ZFHX3: variants seen among roughly 807,000 people sequenced by gnomAD.
ZFHX3 encodes zinc finger homeobox 3.
A neutral mutation model predicts 279.1 loss-of-function variants in ZFHX3; 42 were observed. That is an observed-to-expected ratio of 0.15 (90% CI 0.12 to 0.19). The LOEUF is 0.19. Among genes scored for constraint, ZFHX3 ranks in the 10% least tolerant of loss-of-function variants. The pLI, the probability that ZFHX3 is intolerant of heterozygous loss-of-function variation, is 1.00. For missense variants in ZFHX3, 4,981 were observed against 4,754.0 expected, an observed-to-expected ratio of 1.05 and a Z score of -1.40; for synonymous variants, 2,293 against 1,957.8, an observed-to-expected ratio of 1.17 and a Z score of -4.52.
chr16:73,629,375 G>A (rs1431724424), intron 2 of ZFHX3, among the ~76,000 whole-genome samples: 7 of 150,876 alleles, frequency 4.6e-5, no homozygotes, highest in Non-Finnish European at 1.0e-4. Context: ...TCCTTCTTAG[G>A]GAAAAAAAAA....
At chr16:73,131,132 G>T in intron 6 of ZFHX3, 1 of 500,416 alleles carries the variant, frequency 2.0e-6, no homozygotes, top group Non-Finnish European at 3.8e-6. Flanking sequence ...TGTTTTCTAG[G>T]GTTGACATGA....
intron 4 of ZFHX3, among the ~76,000 whole-genome samples, chr16:73,293,034 A>C (rs1330466104): frequency 6.6e-6 from 1 of 152,182 alleles, no homozygotes; most frequent in Non-Finnish European, 1.5e-5. Context: ...AACTGCCTTG[A>C]AACAAAAGGG....
rs13380734 is a variant in ZFHX3 at position 73,859,267 on chromosome 16, A to G, written c.-1608+32384T>C. Among the ~76,000 whole-genome samples the G allele has an allele frequency of 5.0e-3, 758 of 152,334 alleles. 7 individuals carry two copies. The highest frequency in any genetic ancestry group is 0.018 in the African/African-American group (735 of 41,576). On this transcript the variant is annotated intron_variant, in intron 1 of 17. Coordinates refer to the ZFHX3 transcript ENST00000641206. The stretch of plus-strand genomic sequence containing the variant: ...TAACCAGGCACAATGGTAAAAGAAC[A>G]TCGCTAAATTTAAATCTTGTTATGT...
chr16:73,109,557 AT>A (rs987838701), intron 7 of ZFHX3, among the ~76,000 whole-genome samples: 3 of 144,710 alleles, frequency 2.1e-5, no homozygotes, highest in African/African-American at 7.4e-5. Context: ...AGCATTCCGT[AT>A]TTTTTTTGTT....
At chr16:73,882,345 C>CA (rs1235713580) in intron 1 of ZFHX3, among the ~76,000 whole-genome samples, 1 of 151,760 alleles carries the variant, frequency 6.6e-6, no homozygotes, top group Non-Finnish European at 1.5e-5. Context: ...TTTTTGCTGT[C>CA]AAAAAAGCTT....
chr16:72,788,121 C>T lies in ZFHX3; in HGVS notation c.10155G>A (p.Gln3385=). Reference sequence around the variant, plus strand: ...GCTGCTGCACTTTTTGCTGCTGCTGCTGCTGTAGTTGCCGCTGCTGCTGCT... The same window carrying T: ...GCTGCTGCACTTTTTGCTGCTGCTGTTGCTGTAGTTGCCGCTGCTGCTGCT... ...IQQQQQRQLQ[Q]QQQQKVQQQQ... is the part of the protein sequence containing the mutation. The change falls in exon 10 of 10, where the codon CAG becomes CAA. Residue 3385 remains glutamine (Q), a synonymous_variant. Coordinates refer to ENST00000268489, the MANE Select transcript of ZFHX3 (RefSeq NM_006885.4). 6.3e-7 allele frequency: 1 copy of T among 1,596,766 alleles called. No individual in the cohort carries two copies. The highest frequency in any genetic ancestry group is 8.6e-7 in the Non-Finnish European group (1 of 1,167,984).
chr16:73,209,704 T>C (rs1195174770), intron 5 of ZFHX3, among the ~76,000 whole-genome samples: 1 of 152,212 alleles, frequency 6.6e-6, no homozygotes, highest in Non-Finnish European at 1.5e-5. Context: ...AACAGAAGGA[T>C]GCTAGATTCT....
intron 3 of ZFHX3, chr16:73,421,136 T>C (rs1002359610): frequency 3.5e-5 from 5 of 141,346 alleles, no homozygotes; most frequent in Non-Finnish European, 7.6e-5. Context: ...CAGAAGATGA[T>C]TGTTCAGCAA....
intron 1 of ZFHX3, among the ~76,000 whole-genome samples, chr16:73,011,921 C>A (rs1054225110): frequency 6.6e-5 from 10 of 152,104 alleles, no homozygotes; most frequent in African/African-American, 2.4e-4. Flanking sequence ...AAGTTTCTAT[C>A]GAGGGGTAGA....
intron 4 of ZFHX3, among the ~76,000 whole-genome samples, chr16:72,850,356 C>T (rs546474074): frequency 1.2e-4 from 19 of 152,362 alleles, no homozygotes; most frequent in East Asian, 5.8e-4. Context: ...TACCACAGGA[C>T]GAACGACCAT....
At chr16:72,894,654 G>A (rs1316379437) in intron 3 of ZFHX3, among the ~76,000 whole-genome samples, 1 of 152,212 alleles carries the variant, frequency 6.6e-6, no homozygotes, top group Admixed American at 6.5e-5. Context: ...TCCTGACCCA[G>A]CTAATTAGAA....
chr16:73,890,644 T>C (rs2030503700), intron 1 of ZFHX3, among the ~76,000 whole-genome samples: 1 of 152,214 alleles, frequency 6.6e-6, no homozygotes, highest in Non-Finnish European at 1.5e-5. Flanking sequence ...TGAAAAGCCT[T>C]GGTATCCCAG....
chr16:73,545,672 T>C (rs895845179), intron 2 of ZFHX3, among the ~76,000 whole-genome samples: 2 of 152,184 alleles, frequency 1.3e-5, no homozygotes, highest in African/African-American at 2.4e-5. Flanking sequence ...GTTTATAACA[T>C]TCTATTTATC....
chr16:73,172,319 C>T (rs770107285), intron 5 of ZFHX3, among the ~76,000 whole-genome samples: 10 of 152,228 alleles, frequency 6.6e-5, no homozygotes, highest in Non-Finnish European at 1.2e-4. Context: ...CTTCCTCCTG[C>T]CCGCCAGGCG....
chr16:73,334,815 T>C lies in ZFHX3; in HGVS notation c.-1290-16479A>G, dbSNP rs1327071992. On this transcript the variant is annotated intron_variant, in intron 3 of 17. Coordinates refer to the ZFHX3 transcript ENST00000641206. ...TCCTCCTTTTCTTTCTCATTCTTTT[T>C]TTTTTTTTTTTTTTTTTTTTTGCAA... Among the ~76,000 whole-genome samples, 73 of 132,692 alleles carry C rather than the reference T, an allele frequency of 5.5e-4. 1 individual carries two copies. Among genetic ancestry groups the C allele is most frequent in the Middle Eastern group, 3.7e-3 (1 of 270 alleles). The allele number at this position is 132,692 out of a possible 152,430, so 87.1% of individuals were successfully genotyped here. A position where few individuals can be genotyped will look rare whatever the true frequency, so the allele number is the denominator to read the frequency against.
At chr16:73,048,731 A>C (rs1965392076), upstream of ZFHX3, among the ~76,000 whole-genome samples, 1 of 152,240 alleles carries the variant, frequency 6.6e-6, no homozygotes, top group South Asian at 2.1e-4. Context: ...TTGGAAACAC[A>C]CACCCATCCT....
chr16:73,026,763 T>C (rs1237022763), intron 1 of ZFHX3, among the ~76,000 whole-genome samples: 3 of 150,768 alleles, frequency 2.0e-5, no homozygotes, highest in Non-Finnish European at 2.9e-5. Context: ...TTCAAAACCA[T>C]TTCTCATCCA....
chr16:73,721,474 C>T (rs2053473237), intron 1 of ZFHX3, among the ~76,000 whole-genome samples: 1 of 152,130 alleles, frequency 6.6e-6, no homozygotes, highest in Non-Finnish European at 1.5e-5. Context: ...CTCTTGATTC[C>T]CCAGTCCTTG....
intron 3 of ZFHX3, among the ~76,000 whole-genome samples, chr16:72,932,422 T>C (rs2144301649): frequency 6.6e-6 from 1 of 152,114 alleles, no homozygotes; most frequent in Non-Finnish European, 1.5e-5. Context: ...ACTAGATCAC[T>C]TTTTGCTCCA....
Sources: gnomAD v4.1 joint callset for allele counts (sites outside exome capture counted in the v4.1 genomes callset) on GRCh38, gnomAD v4.1.1 for gene constraint, MANE v1.5 for transcripts, NCBI Gene and HGNC (gene_info 2026-07-23, HGNC 2026-07-21) for gene names.